PIEZO2: variants seen among roughly 807,000 people sequenced by gnomAD.
PIEZO2 encodes the protein piezo type mechanosensitive ion channel component 2.
PIEZO2 carries 172 observed loss-of-function variants against 337.3 expected under a neutral mutation model. The observed-to-expected ratio is 0.51, with a 90% CI of 0.45 to 0.58. PIEZO2 has a LOEUF of 0.58. PIEZO2 is among the 20% of genes least tolerant of loss of function. PIEZO2 has a pLI of 0.00. For synonymous variants in PIEZO2, 1,251 were observed against 1,228.5 expected (o/e 1.02, Z -0.38); for missense variants, 3,028 against 3,391.3 (o/e 0.89, Z 2.66).
intron 47 of PIEZO2, among the ~76,000 whole-genome samples, chr18:10,692,022 T>G (rs2034871355): frequency 6.6e-6 from 1 of 151,862 alleles, no homozygotes; most frequent in South Asian, 2.1e-4. Flanking sequence ...TTCTTCCTAG[T>G]TCTGCAAATC....
intron 2 of PIEZO2, among the ~76,000 whole-genome samples, chr18:11,029,250 A>T (rs540761271): frequency 2.5e-4 from 38 of 152,216 alleles, no homozygotes; most frequent in African/African-American, 8.9e-4. Flanking sequence ...CTTGCTCCAG[A>T]CCCGGCTCCC....
At chr18:10,890,852 T>C (rs2042734422) in intron 4 of PIEZO2, among the ~76,000 whole-genome samples, 1 of 152,204 alleles carries the variant, frequency 6.6e-6, no homozygotes, top group Non-Finnish European at 1.5e-5. Flanking sequence ...TTTTTCCAAA[T>C]GCAGGTCATG....
At chr18:10,866,439 C>A (rs568561877) in intron 5 of PIEZO2, among the ~76,000 whole-genome samples, 1 of 152,122 alleles carries the variant, frequency 6.6e-6, no homozygotes, top group Non-Finnish European at 1.5e-5. Context: ...GCACCCGCCA[C>A]CACACCTGGC....
Position 11,003,531 on chromosome 18 carries a change from A to AATGCAAGTCAG in PIEZO2, c.161-23872_161-23871insCTGACTTGCAT, listed in dbSNP as rs1248980415. On this transcript the variant is annotated intron_variant, in intron 2 of 55. Coordinates refer to ENST00000674853, the MANE Select transcript of PIEZO2 (RefSeq NM_001378183.1). The surrounding 1 kb of genome is among the most constrained non-coding windows in gnomAD (Gnocchi z 4.6). Reference sequence around the variant, plus strand: ...ACTACACATACATTTAAGAAAGATTAATAAAAGCAAGTCAGATAATAATTT... The same window carrying AATGCAAGTCAG: ...ACTACACATACATTTAAGAAAGATTAATGCAAGTCAGATAAAAGCAAGTCAGATAATAATTT... Among the ~76,000 whole-genome samples, 1 of 152,254 alleles carries AATGCAAGTCAG rather than the reference A, an allele frequency of 6.6e-6. No individual in the cohort carries two copies.
Position 10,748,768 on chromosome 18 carries a change from G to A in PIEZO2, c.4265-138C>T. On this transcript the variant is annotated intron_variant, in intron 29 of 55. Coordinates refer to ENST00000674853, the MANE Select transcript of PIEZO2 (RefSeq NM_001378183.1). This position sits in a 1 kb window ranked among gnomAD's most constrained non-coding sequence, Gnocchi z 5.1. ...TGATGCTCTGACTTACTTATGAGTTGATTTATTTACAAGGAGATCACACAC... is the reference window on the plus strand; with the variant it reads ...TGATGCTCTGACTTACTTATGAGTTAATTTATTTACAAGGAGATCACACAC... The A allele has an allele frequency of 1.3e-6, 1 of 772,544 alleles. No individual in the cohort carries two copies. Among genetic ancestry groups the A allele is most frequent in the African/African-American group, 1.8e-5 (1 of 55,266 alleles). The allele number at this position is 772,544 out of a possible 1,614,324, so 47.9% of individuals were successfully genotyped here. A position where few individuals can be genotyped will look rare whatever the true frequency, so the allele number is the denominator to read the frequency against.
intron 1 of PIEZO2, among the ~76,000 whole-genome samples, chr18:11,074,827 C>T (rs2038474696): frequency 6.6e-6 from 1 of 152,328 alleles, no homozygotes; most frequent in African/African-American, 2.4e-5. Flanking sequence ...ACTATGATCA[C>T]AGAGAGGTTT....
chr18:11,044,191 A>G (rs571749800), intron 2 of PIEZO2, among the ~76,000 whole-genome samples: 36 of 149,516 alleles, frequency 2.4e-4, no homozygotes, highest in Admixed American at 1.1e-3. Context: ...ACACTAATAT[A>G]ATATATATTA....
intron 2 of PIEZO2, among the ~76,000 whole-genome samples, chr18:11,004,258 A>G (rs2035644631): frequency 6.6e-6 from 1 of 152,158 alleles, no homozygotes; most frequent in African/African-American, 2.4e-5. Context: ...TCAGAGAGGA[A>G]CAGAAGAGAG....
Position 10,795,459 on chromosome 18 carries a change from GA to G in PIEZO2, c.1528-458del, listed in dbSNP as rs916777714. Among the ~76,000 whole-genome samples, 38 of 148,894 alleles carry G rather than the reference GA, an allele frequency of 2.6e-4. No individual in the cohort carries two copies. Among genetic ancestry groups the G allele is most frequent in the African/African-American group, 9.1e-4 (37 of 40,534 alleles). On this transcript the variant is annotated intron_variant, in intron 12 of 55. Transcript: ENST00000674853. The surrounding 1 kb of genome is among the most constrained non-coding windows in gnomAD (Gnocchi z 4.4). Reference sequence around the variant, plus strand: ...AGACCAAACTTATCTGGCTTAGAGAGAAAAAAAAATGGTATACTCCTGTGAG... The same window carrying G: ...AGACCAAACTTATCTGGCTTAGAGAGAAAAAAAATGGTATACTCCTGTGAG...
chr18:10,864,260 A>G (rs948881494), intron 5 of PIEZO2, among the ~76,000 whole-genome samples: 3 of 152,118 alleles, frequency 2.0e-5, no homozygotes, highest in African/African-American at 7.2e-5. Context: ...CACTTTTTTA[A>G]CCAAGACTGG....
At position 10,784,922 on chromosome 18, in the gene PIEZO2, G is replaced by A. The variant is rs1598477146; in HGVS notation, c.2354C>T (p.Ala785Val). ...GATGAATATGCGAGTGAATAGTTCAGCCACAGTAAACTGCTTTAAGCCAAG... is the reference window on the plus strand; with the variant it reads ...GATGAATATGCGAGTGAATAGTTCAACCACAGTAAACTGCTTTAAGCCAAG... ...EDLGLKQFTV[A>V]ELFTRIFIPT... The change falls in exon 17 of 56, where the codon GCT becomes GTT. Residue 785 changes from alanine (A) to valine (V), a missense_variant. Coordinates refer to ENST00000674853, the MANE Select transcript of PIEZO2 (RefSeq NM_001378183.1). This position sits in a 1 kb window ranked among gnomAD's most constrained non-coding sequence, Gnocchi z 4.5. 6.5e-7 allele frequency: 1 copy of A among 1,537,152 alleles called. No individual in the cohort carries two copies. The highest frequency in any genetic ancestry group is 8.7e-7 in the Non-Finnish European group (1 of 1,146,848).
intron 15 of PIEZO2, among the ~76,000 whole-genome samples, chr18:10,787,617 A>G (rs1014390783): frequency 6.6e-6 from 1 of 152,236 alleles, no homozygotes; most frequent in African/African-American, 2.4e-5. Context: ...ATGTGAACCA[A>G]CCACAGAAAA....
chr18:10,957,778 G>A (rs138923118), intron 3 of PIEZO2, among the ~76,000 whole-genome samples: 178 of 152,252 alleles, frequency 1.2e-3, no homozygotes, highest in African/African-American at 3.8e-3. Flanking sequence ...CTGAAAAGGA[G>A]CTAATATCCA....
At position 11,041,655 on chromosome 18, in the gene PIEZO2, C is replaced by T. The variant is rs187352773; in HGVS notation, c.160+24472G>A. On this transcript the variant is annotated intron_variant, in intron 2 of 55. Coordinates refer to ENST00000674853, the MANE Select transcript of PIEZO2 (RefSeq NM_001378183.1). The stretch of plus-strand genomic sequence containing the variant: ...ACTACATTTTTTCATCATTTTTCTA[C>T]GATGTCAATTTGTATGGTTCTTCTT... Among the ~76,000 whole-genome samples the T allele has an allele frequency of 2.3e-4, 35 of 152,188 alleles. No homozygotes were observed. The East Asian group carries it at 4.1e-3, about 18-fold the overall frequency.
At position 10,726,709 on chromosome 18, in the gene PIEZO2, G is replaced by A. The variant is rs908952520; in HGVS notation, c.5029+4698C>T. On this transcript the variant is annotated intron_variant, in intron 36 of 55. Coordinates refer to ENST00000674853, the MANE Select transcript of PIEZO2 (RefSeq NM_001378183.1). The surrounding 1 kb of genome is among the most constrained non-coding windows in gnomAD (Gnocchi z 5.9). ...CAGCAAGGACCAGGTGTACCTGAAC[G>A]GCATCCTGTGCATTCTGGGACATCG... The A allele has an allele frequency of 7.7e-6, 11 of 1,426,354 alleles. No homozygotes were observed. The highest frequency in any genetic ancestry group is 4.6e-5 in the East Asian group (2 of 43,524). 88.4% of individuals were successfully genotyped at this position (1,426,354 alleles called of 1,614,324 possible). A position where few individuals can be genotyped will look rare whatever the true frequency, so the allele number is the denominator to read the frequency against.
intron 3 of PIEZO2, among the ~76,000 whole-genome samples, chr18:10,946,668 CA>C (rs1300065650): frequency 6.6e-6 from 1 of 152,212 alleles, no homozygotes; most frequent in African/African-American, 2.4e-5. Flanking sequence ...CTGGTGCTGC[CA>C]GGGCTTAGTG....
chr18:11,098,115 A>C (rs754739802), intron 1 of PIEZO2, among the ~76,000 whole-genome samples: 9 of 152,188 alleles, frequency 5.9e-5, no homozygotes, highest in Non-Finnish European at 1.2e-4. Flanking sequence ...TAATACTTAA[A>C]AATTATAAGC....
intron 36 of PIEZO2, among the ~76,000 whole-genome samples, chr18:10,722,957 ATT>A (rs36042609): frequency 0.074 from 6,228 of 83,800 alleles, 242 homozygotes; most frequent in East Asian, 0.2. Context: ...GGATGCAGTG[ATT>A]TTTTTTTTTT....
intron 15 of PIEZO2, 143 bp from the exon 16 acceptor site, chr18:10,787,327 A>G: frequency 1.1e-6 from 1 of 926,024 alleles, no homozygotes; most frequent in Non-Finnish European, 1.6e-6. Flanking sequence ...CTAGTTTTTA[A>G]TGTTCCGTGT....
Sources: gnomAD v4.1 joint callset for allele counts (sites outside exome capture counted in the v4.1 genomes callset) on GRCh38, gnomAD v4.1.1 for gene constraint, Gnocchi (gnomAD v3.1) non-coding constraint, MANE v1.5 for transcripts, NCBI Gene and HGNC (gene_info 2026-07-23, HGNC 2026-07-21) for gene names.